The following UHRF1 variants were observed in gnomAD, a reference collection of about 807,000 sequenced individuals.
UHRF1 encodes the protein ubiquitin like with PHD and ring finger domains 1, also known as E3 ubiquitin-protein ligase UHRF1.
Under a neutral mutation model 96.5 loss-of-function variants are expected in UHRF1, and 9 were observed. The ratio of observed to expected loss-of-function variants is 0.09; its 90% CI spans 0.06 to 0.16. UHRF1 has a LOEUF of 0.16. UHRF1 is among the 10% of genes least tolerant of loss of function. The pLI, the probability that UHRF1 is intolerant of heterozygous loss-of-function variation, is 1.00. For missense variants in UHRF1, 626 were observed against 1,131.1 expected, an observed-to-expected ratio of 0.55 and a Z score of 6.40; for synonymous variants, 455 against 469.9, an observed-to-expected ratio of 0.97 and a Z score of 0.41.
intron 11 of UHRF1, among the ~76,000 whole-genome samples, chr19:4,948,684 C>A (rs1251483753): frequency 6.6e-6 from 1 of 152,028 alleles, no homozygotes; most frequent in Non-Finnish European, 1.5e-5. Context: ...CACCTGTAAT[C>A]CCAGCTACTT....
intron 11 of UHRF1, among the ~76,000 whole-genome samples, chr19:4,948,112 A>C (rs1177172364): frequency 6.6e-6 from 1 of 151,748 alleles, no homozygotes; most frequent in East Asian, 1.9e-4. Flanking sequence ...AAAAAAAAAA[A>C]AAAAAAAACC....
rs540124485 is a variant in UHRF1 at position 4,957,987 on chromosome 19, C to T, written c.2235+1174C>T. On this transcript the variant is annotated intron_variant, in intron 16 of 16. Transcript: ENST00000650932. ...TTCTGAGTTGCTGGCGGTTTTCCTT[C>T]CAACTGCAGTCCCGCAGTCCTCTCA... Among the ~76,000 whole-genome samples the T allele has an allele frequency of 5.3e-5, 8 of 152,360 alleles. No homozygotes were observed. In the East Asian group the frequency reaches 1.5e-3, roughly 29 times the overall value.
chr19:4,909,376 GC>G, upstream of UHRF1: 14 of 609,470 alleles, frequency 2.3e-5, no homozygotes, highest in East Asian at 3.3e-5. Flanking sequence ...AGGCGGGGGC[GC>G]CCCCCACCCT....
rs374020308 is a variant in UHRF1 at position 4,932,823 on chromosome 19, G to A, written c.652G>A (p.Glu218Lys). The A allele has an allele frequency of 6.2e-7, 1 of 1,613,768 alleles. No individual in the cohort carries two copies. The highest frequency in any genetic ancestry group is 1.3e-5 in the African/African-American group (1 of 74,940). Residue 218 changes from glutamate (E) to lysine (K), a missense_variant, in exon 5 of 17, where the codon GAG (glutamate) becomes AAG (lysine). Physicochemically the swap from Glu to Lys is moderately conservative, Grantham distance 56. Transcript: ENST00000650932. Reference protein sequence around the residue: ...ARTIIKWQDLEVGQVVMLNYN... With the variant: ...ARTIIKWQDLKVGQVVMLNYN... ...CACCATCATCAAGTGGCAGGACCTG[G>A]AGGTGGGCCAGGTGGTCATGCTCAA... is the stretch of plus-strand genomic sequence containing the variant.
chr19:4,936,200 G>A (rs565021381), intron 5 of UHRF1, among the ~76,000 whole-genome samples: 17 of 152,304 alleles, frequency 1.1e-4, no homozygotes, highest in African/African-American at 3.4e-4. Context: ...CAGGGATGCA[G>A]TGAGAGGGTC....
intron 16 of UHRF1, among the ~76,000 whole-genome samples, chr19:4,960,227 A>G (rs1327699548): frequency 6.6e-6 from 1 of 152,258 alleles, no homozygotes; most frequent in African/African-American, 2.4e-5. Flanking sequence ...CTCAAAGCTC[A>G]GGGAGCATCT....
At chr19:4,926,012 C>T (rs1015618881) in intron 2 of UHRF1, among the ~76,000 whole-genome samples, 3 of 152,132 alleles carry the variant, frequency 2.0e-5, no homozygotes, top group African/African-American at 7.2e-5. Context: ...ATTGTCCTTC[C>T]TCAGCCTCCC....
intron 7 of UHRF1, 148 bp downstream of exon 7, chr19:4,942,079 T>G (rs1440480147): frequency 1.1e-6 from 1 of 876,632 alleles, no homozygotes; most frequent in Non-Finnish European, 1.6e-6. Context: ...GAGGATCACT[T>G]GAGCTCAGGA....
At chr19:4,953,621 G>A (rs113486499) in intron 13 of UHRF1, among the ~76,000 whole-genome samples, 1,826 of 152,126 alleles carry the variant, frequency 0.012, 43 homozygotes, top group African/African-American at 0.041. Flanking sequence ...ACACCACCAG[G>A]CTCGGCTAAT....
intron 16 of UHRF1, among the ~76,000 whole-genome samples, chr19:4,957,983 C>T (rs1196194670): frequency 6.6e-6 from 1 of 152,254 alleles, no homozygotes; most frequent in Non-Finnish European, 1.5e-5. Context: ...TGGCGGTTTT[C>T]CTTCCAACTG....
At chr19:4,957,546 C>G (rs1599305299) in intron 16 of UHRF1, among the ~76,000 whole-genome samples, 2 of 152,078 alleles carry the variant, frequency 1.3e-5, no homozygotes, top group East Asian at 1.9e-4. Flanking sequence ...CTGACCTTGT[C>G]ATCCACCCGC....
intron 2 of UHRF1, 56 bp from the exon 3 acceptor site, chr19:4,929,166 A>G: frequency 1.3e-6 from 2 of 1,572,930 alleles, no homozygotes; most frequent in Non-Finnish European, 8.6e-7. Flanking sequence ...TGGTGCCCAC[A>G]GATGCCCACT....
At chr19:4,949,638 G>C (rs1394273897) in intron 11 of UHRF1, among the ~76,000 whole-genome samples, 1 of 152,068 alleles carries the variant, frequency 6.6e-6, no homozygotes, top group Admixed American at 6.6e-5. Flanking sequence ...AGACCTACTT[G>C]TGCAACATAA....
intron 11 of UHRF1, among the ~76,000 whole-genome samples, chr19:4,948,267 A>C (rs1288838798): frequency 6.6e-6 from 1 of 152,126 alleles, no homozygotes. Context: ...TTATTTGCAA[A>C]AGTATGTGAT....
At position 4,944,339 on chromosome 19, in the gene UHRF1, A is replaced by C. The variant is rs745334476; in HGVS notation, c.1198-4A>C. 5.6e-6 allele frequency: 9 copies of C among 1,613,928 alleles called. No individual in the cohort carries two copies. Among genetic ancestry groups the C allele is most frequent in the Non-Finnish European group, 7.6e-6 (9 of 1,179,860 alleles). ...GTTGTTCTTTGTGTCTGTGCCTGGG[A>C]CAGGGCATGGCCTGTGTGGGCCGCA... On this transcript the variant is annotated splice_region_variant and splice_polypyrimidine_tract_variant and intron_variant, in intron 8 of 16. Transcript: ENST00000650932.
chr19:4,934,025 C>CT (rs35115043), intron 5 of UHRF1, among the ~76,000 whole-genome samples: 2,299 of 130,248 alleles, frequency 0.018, 24 homozygotes, highest in African/African-American at 0.042. Flanking sequence ...GAAAATTTAC[C>CT]TTTTTTTTTT....
chr19:4,932,664 C>T (rs778713542), intron 4 of UHRF1, 77 bp from the exon 5 acceptor site: 1 of 1,528,286 alleles, frequency 6.5e-7, no homozygotes, highest in Non-Finnish European at 9.0e-7. Context: ...AGGGGCCGTC[C>T]CACCTCGGCT....
intron 5 of UHRF1, among the ~76,000 whole-genome samples, chr19:4,939,982 C>T (rs911261141): frequency 6.6e-6 from 1 of 150,848 alleles, no homozygotes; most frequent in Admixed American, 6.6e-5. Context: ...CGAGATCGTG[C>T]CACTGCACTC....
chr19:4,960,855 G>C lies in UHRF1; in HGVS notation c.*52G>C. On this transcript the variant is annotated 3_prime_UTR_variant, in exon 17 of 17. Coordinates refer to ENST00000650932, the MANE Select transcript of UHRF1 (RefSeq NM_001048201.3). Reference sequence around the variant, plus strand: ...TTGCTGAAAACGTGTCGGAGGGCTCGTTCATCGGCACTGATTTTGTTCTTA... The same window carrying C: ...TTGCTGAAAACGTGTCGGAGGGCTCCTTCATCGGCACTGATTTTGTTCTTA... The C allele has an allele frequency of 2.0e-6, 2 of 1,013,540 alleles. No homozygotes were observed. The highest frequency in any genetic ancestry group is 4.4e-5 in the Admixed American group (2 of 45,444). The allele number at this position is 1,013,540 out of a possible 1,614,324, so 62.8% of individuals were successfully genotyped here. A position where few individuals can be genotyped will look rare whatever the true frequency, so the allele number is the denominator to read the frequency against.
Sources: allele counts gnomAD v4.1 joint callset (sites outside exome capture counted in the v4.1 genomes callset), GRCh38; gene constraint gnomAD v4.1.1; transcripts MANE v1.5; gene names NCBI Gene and HGNC (gene_info 2026-07-23, HGNC 2026-07-21).